TULP4: variants seen among roughly 807,000 people sequenced by gnomAD.
The protein encoded by TULP4 is TUB like protein 4, also known as tubby-related protein 4.
TULP4 carries 16 observed loss-of-function variants against 129.0 expected under a neutral mutation model. That is an observed-to-expected ratio of 0.12 (90% CI 0.08 to 0.19). TULP4 has a LOEUF of 0.19. Ranked by LOEUF, TULP4 falls within the 10% of genes least tolerant of loss-of-function variation. The pLI, the probability that TULP4 is intolerant of heterozygous loss-of-function variation, is 1.00. For missense variants in TULP4, 1,842 were observed against 2,059.1 expected, an observed-to-expected ratio of 0.89 and a Z score of 2.04; for synonymous variants, 998 against 854.0, an observed-to-expected ratio of 1.17 and a Z score of -2.94.
intron 1 of TULP4, among the ~76,000 whole-genome samples, chr6:158,248,177 C>T (rs1490791494): frequency 6.6e-6 from 1 of 152,146 alleles, no homozygotes; most frequent in East Asian, 1.9e-4. Flanking sequence ...CATGGTGGCT[C>T]ATGCCTGTAA....
chr6:158,236,346 A>G (rs575173908), intron 1 of TULP4, among the ~76,000 whole-genome samples: 1 of 152,266 alleles, frequency 6.6e-6, no homozygotes, highest in East Asian at 1.9e-4. Flanking sequence ...ACATATATTA[A>G]ACATCTCAAT....
intron 1 of TULP4, among the ~76,000 whole-genome samples, chr6:158,363,078 A>AG (rs1780836470): frequency 6.6e-6 from 1 of 151,380 alleles, no homozygotes; most frequent in South Asian, 2.1e-4. Flanking sequence ...AAAAAAAAAA[A>AG]AAAAAAGTCA....
chr6:158,411,642 G>A (rs1583847489), intron 1 of TULP4, among the ~76,000 whole-genome samples: 1 of 152,194 alleles, frequency 6.6e-6, no homozygotes, highest in East Asian at 1.9e-4. Flanking sequence ...TACAACAAGT[G>A]CAGATAACAC....
At chr6:158,303,470 T>C (rs1001857761) in intron 1 of TULP4, among the ~76,000 whole-genome samples, 5 of 152,012 alleles carry the variant, frequency 3.3e-5, no homozygotes, top group African/African-American at 7.3e-5. Context: ...CTTCAAAGGG[T>C]AAAAAGCGTA....
chr6:158,383,208 G>C (rs1236206002), intron 1 of TULP4, among the ~76,000 whole-genome samples: 1 of 152,094 alleles, frequency 6.6e-6, no homozygotes, highest in East Asian at 1.9e-4. Context: ...TTCAGACTGG[G>C]GTGCTTCTCA....
upstream of TULP4, among the ~76,000 whole-genome samples, chr6:158,307,720 T>G (rs1465383797): frequency 1.3e-5 from 2 of 152,172 alleles, no homozygotes; most frequent in Non-Finnish European, 2.9e-5. Flanking sequence ...TAACCTCTGG[T>G]GACCCCCGCC....
At chr6:158,264,583 C>T (rs1248005188) in intron 1 of TULP4, among the ~76,000 whole-genome samples, 4 of 152,044 alleles carry the variant, frequency 2.6e-5, no homozygotes, top group African/African-American at 4.8e-5. Context: ...GAAGATGCAC[C>T]TGGAGGGCTG....
At chr6:158,449,199 T>C in intron 4 of TULP4, 23 bp downstream of exon 4, 1 of 1,598,014 alleles carries the variant, frequency 6.3e-7, no homozygotes, top group Non-Finnish European at 8.5e-7. Flanking sequence ...CCTACTTTCC[T>C]TGTCACTGAC....
chr6:158,351,409 A>G (rs1327154380), intron 1 of TULP4, among the ~76,000 whole-genome samples: 1 of 152,216 alleles, frequency 6.6e-6, no homozygotes, highest in Admixed American at 6.5e-5. Flanking sequence ...GCTTCTGAAT[A>G]GAGAGGCTTC....
At position 158,331,726 on chromosome 6, in the gene TULP4, C is replaced by CGTAT. The variant is rs1401289901; in HGVS notation, c.252+17458_252+17459insGTAT. 1.1e-3 allele frequency among the ~76,000 whole-genome samples: 38 copies of CGTAT among 33,086 alleles called. 3 individuals are homozygous for CGTAT. Among genetic ancestry groups the CGTAT allele is most frequent in the South Asian group, 3.6e-3 (3 of 836 alleles). 21.7% of individuals were successfully genotyped at this position (33,086 alleles called of 152,430 possible). A position where few individuals can be genotyped will look rare whatever the true frequency, so the allele number is the denominator to read the frequency against. On this transcript the variant is annotated intron_variant, in intron 1 of 13. Transcript: ENST00000367097. The stretch of plus-strand genomic sequence containing the variant: ...ACACACACACACACACACACACACA[C>CGTAT]ACATACGTATATATATACGTGTATA...
chr6:158,308,640 C>G (rs1056441252), upstream of TULP4, among the ~76,000 whole-genome samples: 1 of 147,864 alleles, frequency 6.8e-6, no homozygotes, highest in African/African-American at 2.5e-5. Context: ...GCTGACCCCC[C>G]CACCTCCCTC....
chr6:158,388,322 CTTTTTTTTTTTTT>C (rs10650311), intron 1 of TULP4, among the ~76,000 whole-genome samples: 1 of 86,260 alleles, frequency 1.2e-5, no homozygotes, highest in Non-Finnish European at 2.0e-5. Context: ...GCTCGTTTTT[CTTTTTTTTTTTTT>C]TTTTTTTTTT....
intron 1 of TULP4, among the ~76,000 whole-genome samples, chr6:158,246,364 C>T (rs1393695434): frequency 2.0e-5 from 3 of 151,746 alleles, no homozygotes; most frequent in Admixed American, 6.6e-5. Flanking sequence ...TGGTGGCAGG[C>T]GCCTGTAGTC....
intron 1 of TULP4, chr6:158,237,743 C>T: frequency 1.2e-6 from 1 of 851,744 alleles, no homozygotes; most frequent in Non-Finnish European, 2.1e-6. Flanking sequence ...ACTTTTCCAC[C>T]CTTCCAAATG....
intron 1 of TULP4, among the ~76,000 whole-genome samples, chr6:158,261,074 A>G (rs1778344528): frequency 6.6e-6 from 1 of 152,032 alleles, no homozygotes. Context: ...CCGCTTCAGC[A>G]TCCCAGAGCG....
intron 1 of TULP4, among the ~76,000 whole-genome samples, chr6:158,246,793 T>TA (rs1222637566): frequency 6.6e-6 from 1 of 152,218 alleles, no homozygotes; most frequent in Non-Finnish European, 1.5e-5. Context: ...TCTCTATACT[T>TA]ATGTGGTGTC....
intron 1 of TULP4, chr6:158,237,787 A>G: frequency 3.8e-6 from 3 of 780,210 alleles, no homozygotes; most frequent in Non-Finnish European, 7.1e-6. Flanking sequence ...AAGAGCCTCA[A>G]CATCTACTTT....
At chr6:158,370,826 A>G (rs1004196659) in intron 1 of TULP4, among the ~76,000 whole-genome samples, 12 of 152,228 alleles carry the variant, frequency 7.9e-5, no homozygotes, top group Admixed American at 5.9e-4. Flanking sequence ...GGGTGGAGTC[A>G]GATAGTAGCT....
intron 1 of TULP4, among the ~76,000 whole-genome samples, chr6:158,408,996 TC>T (rs1778026763): frequency 7.9e-5 from 12 of 152,220 alleles, no homozygotes; most frequent in Admixed American, 5.9e-4. Context: ...TTGAGAGAAA[TC>T]CTTCTGAATA....
Sources: gnomAD v4.1 joint callset for allele counts (sites outside exome capture counted in the v4.1 genomes callset) on GRCh38, gnomAD v4.1.1 for gene constraint, MANE v1.5 for transcripts, NCBI Gene and HGNC (gene_info 2026-07-23, HGNC 2026-07-21) for gene names.